TUBA1C: variants seen among roughly 807,000 people sequenced by gnomAD.
The protein encoded by TUBA1C is tubulin alpha-1C chain.
In TUBA1C, 16 loss-of-function variants were observed where a neutral mutation model predicts 34.9. That is an observed-to-expected ratio of 0.46 (90% CI 0.31 to 0.70). The LOEUF (loss-of-function observed/expected upper bound fraction) is 0.70, where lower values mean the gene tolerates loss of function less well. Ranked by LOEUF, TUBA1C falls within the 30% of genes least tolerant of loss-of-function variation. The pLI, the probability that TUBA1C is intolerant of heterozygous loss-of-function variation, is 0.05. For synonymous variants in TUBA1C, 177 were observed against 215.9 expected, an observed-to-expected ratio of 0.82 and a Z score of 1.58; for missense variants, 329 against 587.3, an observed-to-expected ratio of 0.56 and a Z score of 4.55.
chr12:49,231,310 G>A (rs188383216), intron 1 of TUBA1C, among the ~76,000 whole-genome samples: 4 of 152,122 alleles, frequency 2.6e-5, no homozygotes, highest in Non-Finnish European at 4.4e-5. Context: ...GACTAACTAC[G>A]GGCATGCACC....
exon 1 of TUBA1C, chr12:49,228,016 A>G (rs1942458066): frequency 6.5e-7 from 1 of 1,535,614 alleles, no homozygotes; most frequent in African/African-American, 1.4e-5. Context: ...TGTGCTTGGA[A>G]TTAGATCCTT....
chr12:49,268,534 A>G (rs1049543757), intron 1 of TUBA1C, among the ~76,000 whole-genome samples: 9 of 152,022 alleles, frequency 5.9e-5, no homozygotes, highest in Admixed American at 3.3e-4. Context: ...TGAGCCAGAA[A>G]CAACTAATTT....
chr12:49,237,231 C>G (rs139577549), intron 1 of TUBA1C, among the ~76,000 whole-genome samples: 26 of 146,458 alleles, frequency 1.8e-4, no homozygotes, highest in African/African-American at 6.1e-4. Context: ...ACCAGCCTGA[C>G]CAACATGGAG....
chr12:49,259,010 C>T (rs1442520405), intron 1 of TUBA1C, among the ~76,000 whole-genome samples: 2 of 151,766 alleles, frequency 1.3e-5, no homozygotes, highest in African/African-American at 2.4e-5. Flanking sequence ...CCACCTGCCT[C>T]GGCCTCCCAA....
At chr12:49,267,111 C>T (rs572960062) in intron 1 of TUBA1C, among the ~76,000 whole-genome samples, 4 of 152,320 alleles carry the variant, frequency 2.6e-5, no homozygotes, top group African/African-American at 9.6e-5. Context: ...CTTTCTCCCA[C>T]GTGGCCAGGG....
intron 1 of TUBA1C, among the ~76,000 whole-genome samples, chr12:49,243,307 G>A (rs112775770): frequency 0.012 from 1,767 of 152,188 alleles, 39 homozygotes; most frequent in African/African-American, 0.041. Context: ...AATAGCTGGT[G>A]GCGCGCGCCT....
chr12:49,271,146 T>G (rs1013860789), intron 3 of TUBA1C, among the ~76,000 whole-genome samples: 1 of 152,218 alleles, frequency 6.6e-6, no homozygotes, highest in Non-Finnish European at 1.5e-5. Flanking sequence ...ATTACTGTGC[T>G]CACAGGAGGC....
intron 1 of TUBA1C, among the ~76,000 whole-genome samples, chr12:49,229,674 G>GGT (rs3884374): frequency 0.29 from 43,668 of 150,052 alleles, 6,845 homozygotes; most frequent in East Asian, 0.73. Context: ...TTTGCATAGA[G>GGT]GTGTGTGTGT....
intron 1 of TUBA1C, among the ~76,000 whole-genome samples, chr12:49,239,247 C>G (rs1942587761): frequency 6.6e-6 from 1 of 152,168 alleles, no homozygotes; most frequent in Admixed American, 6.5e-5. Flanking sequence ...AGATATTGCT[C>G]TAGTCACTTA....
intron 1 of TUBA1C, chr12:49,233,373 C>G (rs1942516909): frequency 1.3e-5 from 2 of 152,238 alleles, no homozygotes; most frequent in Non-Finnish European, 2.9e-5. Flanking sequence ...GGCCCTGATT[C>G]ACTAAGTTAC....
chr12:49,248,458 C>T (rs1010583950), intron 1 of TUBA1C, among the ~76,000 whole-genome samples: 3 of 151,470 alleles, frequency 2.0e-5, no homozygotes, highest in Non-Finnish European at 4.4e-5. Context: ...GTCCCAGCTA[C>T]TCAGGAGGCT....
intron 1 of TUBA1C, among the ~76,000 whole-genome samples, chr12:49,229,861 T>C (rs572138256): frequency 1.3e-5 from 2 of 152,186 alleles, no homozygotes; most frequent in Admixed American, 6.5e-5. Context: ...AGTATAGGCT[T>C]ACTACAACCT....
chr12:49,241,295 C>A (rs17123627), intron 1 of TUBA1C, among the ~76,000 whole-genome samples: 5,470 of 152,198 alleles, frequency 0.036, 139 homozygotes, highest in East Asian at 0.12. Context: ...CCAAGATTAT[C>A]ATGTTCATTT....
At chr12:49,231,983 C>A (rs1002104368) in intron 1 of TUBA1C, among the ~76,000 whole-genome samples, 1 of 152,208 alleles carries the variant, frequency 6.6e-6, no homozygotes, top group Non-Finnish European at 1.5e-5. Flanking sequence ...TATCCCTAAA[C>A]GCTAATGCTG....
chr12:49,272,240 T>A lies in TUBA1C; in HGVS notation c.376-13T>A, dbSNP rs182625891. On this transcript the variant is annotated splice_polypyrimidine_tract_variant and intron_variant, in intron 3 of 3. Transcript: ENST00000301072. ...CTTTCGCAACACTAAAATGAAACTT[T>A]TTTATTTTGCAGGCTGACCAGTGCA... 1 of 1,580,850 alleles carries A rather than the reference T, an allele frequency of 6.3e-7. No individual in the cohort carries two copies. Among genetic ancestry groups the A allele is most frequent in the Non-Finnish European group, 8.6e-7 (1 of 1,165,990 alleles).
intron 1 of TUBA1C, among the ~76,000 whole-genome samples, chr12:49,250,024 C>T (rs1053213336): frequency 9.9e-5 from 15 of 151,258 alleles, no homozygotes; most frequent in African/African-American, 3.7e-4. Context: ...GTGGTGAAAC[C>T]CCATCTCTAC....
intron 1 of TUBA1C, among the ~76,000 whole-genome samples, chr12:49,243,961 G>A (rs1443064098): frequency 6.6e-6 from 1 of 151,996 alleles, no homozygotes; most frequent in Non-Finnish European, 1.5e-5. Flanking sequence ...ACCAGTCTGG[G>A]CCACACAGCG....
intron 1 of TUBA1C, among the ~76,000 whole-genome samples, chr12:49,238,054 A>G (rs1212593842): frequency 6.6e-6 from 1 of 150,808 alleles, no homozygotes; most frequent in African/African-American, 2.5e-5. Context: ...GGTTGCAGTG[A>G]GCCAAGATTG....
At chr12:49,263,289 TAC>T (rs1424371955), upstream of TUBA1C, among the ~76,000 whole-genome samples, 3 of 152,158 alleles carry the variant, frequency 2.0e-5, no homozygotes, top group Non-Finnish European at 4.4e-5. Flanking sequence ...GTGCCAGAAT[TAC>T]AGACTTGAGC....
Sources: allele counts gnomAD v4.1 joint callset (sites outside exome capture counted in the v4.1 genomes callset), GRCh38; gene constraint gnomAD v4.1.1; transcripts MANE v1.5; gene names NCBI Gene and HGNC (gene_info 2026-07-23, HGNC 2026-07-21).